MFAP1: variants seen among roughly 807,000 people sequenced by gnomAD.
MFAP1 encodes the protein microfibril associated protein 1, also known as microfibrillar-associated protein 1.
In MFAP1, 18 loss-of-function variants were observed where a neutral mutation model predicts 62.2. The ratio of observed to expected loss-of-function variants is 0.29; its 90% CI spans 0.20 to 0.43. The LOEUF (loss-of-function observed/expected upper bound fraction) is 0.43. Among genes scored for constraint, MFAP1 ranks in the 20% least tolerant of loss-of-function variants. MFAP1 has a pLI of 1.00. For missense variants in MFAP1, 355 were observed against 559.7 expected (o/e 0.63, Z 3.69); for synonymous variants, 175 against 180.4 (o/e 0.97, Z 0.24).
intron 1 of MFAP1, among the ~76,000 whole-genome samples, chr15:43,818,716 T>A (rs142132422): frequency 6.6e-6 from 1 of 150,938 alleles, no homozygotes; most frequent in Non-Finnish European, 1.5e-5. Context: ...TTAGACCTCA[T>A]CTCTACTAAA....
chr15:43,823,440 G>A (rs372058988), intron 1 of MFAP1, among the ~76,000 whole-genome samples: 77 of 151,266 alleles, frequency 5.1e-4, no homozygotes, highest in African/African-American at 1.8e-3. Context: ...GCAATGGTGC[G>A]ATCTCTGCTC....
intron 1 of MFAP1, 110 bp downstream of exon 1, chr15:43,824,381 C>A: frequency 9.4e-7 from 1 of 1,067,688 alleles, no homozygotes; most frequent in Non-Finnish European, 1.4e-6. Flanking sequence ...ATCTGGCAGC[C>A]AGATCTCAAG....
chr15:43,804,893 C>T lies in MFAP1; in HGVS notation c.*201G>A. ...TGGGAAGCCTCTAATCCTACCTGGA[C>T]AGTGCTTTCCTGTGGGTTTCTCAGC... On this transcript the variant is annotated 3_prime_UTR_variant, in exon 9 of 9. Transcript: ENST00000267812. 1 of 482,626 alleles carries T rather than the reference C, an allele frequency of 2.1e-6. No individual in the cohort carries two copies. The highest frequency in any genetic ancestry group is 3.6e-6 in the Non-Finnish European group (1 of 277,114). 29.9% of individuals were successfully genotyped at this position (482,626 alleles called of 1,614,324 possible).
In MFAP1 at chr15:43,814,629, CTCT is replaced by C; in HGVS notation, c.486_488del (p.Glu163del). On this transcript the variant is annotated inframe_deletion, in exon 4 of 9. Coordinates refer to ENST00000267812, the MANE Select transcript of MFAP1 (RefSeq NM_005926.3). ...CATCTTCCACTTCCATGACTTCCATCTCTTCATTTTTTCTCTCCTGTGCTCGCT... is the reference window on the plus strand; with the variant it reads ...CATCTTCCACTTCCATGACTTCCATCTCATTTTTTCTCTCCTGTGCTCGCT... The C allele has an allele frequency of 2.5e-6, 4 of 1,614,194 alleles. No individual in the cohort carries two copies. The highest frequency in any genetic ancestry group is 3.4e-6 in the Non-Finnish European group (4 of 1,180,038).
intron 1 of MFAP1, among the ~76,000 whole-genome samples, chr15:43,820,247 G>T (rs2087459334): frequency 6.6e-6 from 1 of 152,060 alleles, no homozygotes; most frequent in Non-Finnish European, 1.5e-5. Flanking sequence ...GAACCCAGGG[G>T]CGGAGCTTGC....
chr15:43,817,084 T>C (rs1055363687), intron 2 of MFAP1, 145 bp downstream of exon 2: 23 of 833,332 alleles, frequency 2.8e-5, no homozygotes, highest in Non-Finnish European at 4.3e-5. Context: ...ATGGGGATAA[T>C]AGCACCTATT....
At chr15:43,808,562 CTTGA>C (rs2087379917) in intron 7 of MFAP1, among the ~76,000 whole-genome samples, 1 of 152,228 alleles carries the variant, frequency 6.6e-6, no homozygotes, top group Admixed American at 6.5e-5. Flanking sequence ...CTCTAAGAAA[CTTGA>C]TTATTAAAGC....
intron 1 of MFAP1, 68 bp downstream of exon 1, chr15:43,824,423 G>C: frequency 6.5e-7 from 1 of 1,534,076 alleles, no homozygotes; most frequent in South Asian, 1.1e-5. Context: ...CTGTCCGGGA[G>C]AGGTCTGGAG....
At position 43,814,408 on chromosome 15, in the gene MFAP1, AT is replaced by A. The variant is rs1211018517; in HGVS notation, c.617+92del. ...AAAAGCACTTTCACTCAGCGTTTAG[AT>A]TTCAGAATAGCAAGACAGAAAACAG... On this transcript the variant is annotated intron_variant, in intron 4 of 8. Transcript: ENST00000267812. The A allele has an allele frequency of 1.1e-5, 15 of 1,413,480 alleles. No individual in the cohort carries two copies. The Admixed American group carries it at 1.1e-4, about 11-fold the overall frequency. 87.6% of individuals were successfully genotyped at this position (1,413,480 alleles called of 1,614,324 possible). A position where few individuals can be genotyped will look rare whatever the true frequency, so the allele number is the denominator to read the frequency against.
Position 43,806,140 on chromosome 15 carries a change from C to T in MFAP1, c.1048-675G>A, listed in dbSNP as rs142580211. Among the ~76,000 whole-genome samples, 458 of 151,880 alleles carry T rather than the reference C, an allele frequency of 3.0e-3. 1 individual carries two copies. The highest frequency in any genetic ancestry group is 9.7e-3 in the African/African-American group (400 of 41,412). ...GCCTAATTTTCTCCTTGAGTGTAGACGTGTCTTGAAGGTTGGCTTATTCTC... is the reference window on the plus strand; with the variant it reads ...GCCTAATTTTCTCCTTGAGTGTAGATGTGTCTTGAAGGTTGGCTTATTCTC... On this transcript the variant is annotated intron_variant, in intron 7 of 8. Coordinates refer to ENST00000267812, the MANE Select transcript of MFAP1 (RefSeq NM_005926.3).
chr15:43,824,572 T>C lies in MFAP1; in HGVS notation c.-3A>G. On this transcript the variant is annotated 5_prime_UTR_variant, in exon 1 of 9. Coordinates refer to ENST00000267812, the MANE Select transcript of MFAP1 (RefSeq NM_005926.3). ...ATGAGAGCGCTTGGGACCGACATGT[T>C]GATGGCAGCGACGGTGATTCCCGAA... 1 of 1,614,164 alleles carries C rather than the reference T, an allele frequency of 6.2e-7. No individual in the cohort carries two copies. The highest frequency in any genetic ancestry group is 1.3e-5 in the African/African-American group (1 of 75,046).
At chr15:43,817,188 G>T in intron 2 of MFAP1, 41 bp downstream of exon 2, 1 of 1,546,514 alleles carries the variant, frequency 6.5e-7, no homozygotes, top group Non-Finnish European at 8.9e-7. Context: ...TTATTAAGCT[G>T]TAGAGGTTCA....
intron 2 of MFAP1, among the ~76,000 whole-genome samples, chr15:43,815,338 T>G (rs2087427767): frequency 6.6e-6 from 1 of 151,562 alleles, no homozygotes; most frequent in African/African-American, 2.4e-5. Flanking sequence ...CCACCACACC[T>G]GGCTAATATT....
chr15:43,815,876 C>T (rs990122485), intron 2 of MFAP1, among the ~76,000 whole-genome samples: 2 of 151,982 alleles, frequency 1.3e-5, no homozygotes, highest in African/African-American at 2.4e-5. Flanking sequence ...TCAGGTGATC[C>T]GCCTGCCTAG....
intron 2 of MFAP1, among the ~76,000 whole-genome samples, chr15:43,816,315 G>A (rs1024366897): frequency 2.1e-5 from 3 of 145,308 alleles, no homozygotes; most frequent in East Asian, 2.0e-4. Context: ...GCGTGATCTC[G>A]GCTCACTGCA....
At chr15:43,807,514 A>G (rs912036376) in intron 7 of MFAP1, among the ~76,000 whole-genome samples, 1 of 151,014 alleles carries the variant, frequency 6.6e-6, no homozygotes, top group Non-Finnish European at 1.5e-5. Flanking sequence ...ACGCCTAGCT[A>G]ATTTTTTGTA....
intron 7 of MFAP1, among the ~76,000 whole-genome samples, chr15:43,807,809 C>T (rs2141704840): frequency 6.6e-6 from 1 of 152,270 alleles, no homozygotes; most frequent in South Asian, 2.1e-4. Flanking sequence ...AAACAGTGAC[C>T]TTTGCATAGT....
intron 6 of MFAP1, 60 bp downstream of exon 6, chr15:43,812,927 T>C (rs1012324212): frequency 2.2e-5 from 35 of 1,580,972 alleles, no homozygotes; most frequent in Non-Finnish European, 2.9e-5. Context: ...GTCTCAGAGC[T>C]ATCCTGCTAG....
chr15:43,814,397 T>G, intron 4 of MFAP1, 104 bp downstream of exon 4: 1 of 1,328,358 alleles, frequency 7.5e-7, no homozygotes, highest in East Asian at 2.3e-5. Context: ...GCACTTTCAC[T>G]CAGCGTTTAG....
Sources: allele counts gnomAD v4.1 joint callset (sites outside exome capture counted in the v4.1 genomes callset), GRCh38; gene constraint gnomAD v4.1.1; transcripts MANE v1.5; gene names NCBI Gene and HGNC (gene_info 2026-07-23, HGNC 2026-07-21).